The following IQGAP2 variants were observed in gnomAD, a reference collection of about 807,000 sequenced individuals.
IQGAP2 encodes IQ motif containing GTPase activating protein 2, also known as ras GTPase-activating-like protein IQGAP2.
IQGAP2 carries 173 observed loss-of-function variants against 201.3 expected under a neutral mutation model. The ratio of observed to expected loss-of-function variants is 0.86; its 90% CI spans 0.76 to 0.98. The LOEUF is 0.98. Among genes scored for constraint, IQGAP2 ranks in the 50% least tolerant of loss-of-function variants. The probability of loss-of-function intolerance (pLI) is 0.00; values close to 1 mark genes in which losing one functional copy is unlikely to be tolerated. For missense variants in IQGAP2, 1,687 were observed against 1,864.8 expected (o/e 0.90, Z 1.76); for synonymous variants, 675 against 673.9 (o/e 1.00, Z -0.03).
At chr5:76,706,058 C>G (rs1747863526) in intron 35 of IQGAP2, among the ~76,000 whole-genome samples, 1 of 152,166 alleles carries the variant, frequency 6.6e-6, no homozygotes, top group South Asian at 2.1e-4. Flanking sequence ...TAGCCTAGTT[C>G]AAGAAGTGCG....
At chr5:76,603,518 A>AG (rs1747577857) in intron 11 of IQGAP2, among the ~76,000 whole-genome samples, 2 of 152,212 alleles carry the variant, frequency 1.3e-5, no homozygotes, top group African/African-American at 4.8e-5. Flanking sequence ...TGTCCCAGGG[A>AG]GGGTGCTCCA....
chr5:76,542,825 C>T lies in IQGAP2; in HGVS notation c.147-19571C>T, dbSNP rs923491996. On this transcript the variant is annotated intron_variant, in intron 2 of 35. Coordinates refer to ENST00000274364, the MANE Select transcript of IQGAP2 (RefSeq NM_006633.5). ...CACATTCTAACATAGAGTGGCTCTT[C>T]TGTCATTGCCACCTAATTGTAGGCC... 2.6e-5 allele frequency among the ~76,000 whole-genome samples: 4 copies of T among 152,338 alleles called. No homozygotes were observed. The South Asian group carries it at 8.3e-4, about 32-fold the overall frequency.
At chr5:76,459,711 T>C (rs1754316080) in intron 1 of IQGAP2, among the ~76,000 whole-genome samples, 1 of 152,144 alleles carries the variant, frequency 6.6e-6, no homozygotes, top group South Asian at 2.1e-4. Context: ...CCATCTCAGC[T>C]CACTGCAACC....
At chr5:76,596,884 A>G (rs538820494) in intron 9 of IQGAP2, among the ~76,000 whole-genome samples, 9 of 152,316 alleles carry the variant, frequency 5.9e-5, no homozygotes, top group African/African-American at 2.2e-4. Context: ...GTTGTCTCAG[A>G]TGTTGCAGCA....
chr5:76,542,652 T>C (rs756919794), intron 2 of IQGAP2, among the ~76,000 whole-genome samples: 32 of 152,276 alleles, frequency 2.1e-4, no homozygotes, highest in Non-Finnish European at 4.1e-4. Flanking sequence ...TATCCTTGCA[T>C]CCCTTGAGCC....
chr5:76,693,363 A>G lies in IQGAP2; in HGVS notation c.3914A>G (p.Lys1305Arg), dbSNP rs1157019880. The stretch of plus-strand genomic sequence containing the variant: ...TTCTCTGGTTTGTTAAGGACCAAGA[A>G]GCTGATAATTGATGTGATCCGGAAC... ...DSRSLMIKTK[K>R]LIIDVIRNQP... The change falls in exon 31 of 36, where the codon AAG becomes AGG. Residue 1305 changes from lysine to arginine, a missense_variant. Transcript: ENST00000274364. 6.2e-7 allele frequency: 1 copy of G among 1,612,438 alleles called. No homozygotes were observed. The highest frequency in any genetic ancestry group is 8.5e-7 in the Non-Finnish European group (1 of 1,179,126).
intron 15 of IQGAP2, among the ~76,000 whole-genome samples, chr5:76,635,474 C>T (rs1181619990): frequency 6.6e-6 from 1 of 152,178 alleles, no homozygotes; most frequent in Non-Finnish European, 1.5e-5. Flanking sequence ...TTCCTTCCCA[C>T]TGAGACAGTT....
chr5:76,597,917 G>T (rs1357104599), intron 10 of IQGAP2, among the ~76,000 whole-genome samples: 1 of 152,156 alleles, frequency 6.6e-6, no homozygotes, highest in Non-Finnish European at 1.5e-5. Flanking sequence ...TACCGATGTG[G>T]TATTTTTTTT....
chr5:76,628,664 T>C (rs1472206420), intron 14 of IQGAP2: 1 of 455,540 alleles, frequency 2.2e-6, no homozygotes, highest in African/African-American at 2.0e-5. Context: ...GTTCTTAAGA[T>C]GACTTTGTCT....
At chr5:76,677,730 C>T (rs924028600) in intron 28 of IQGAP2, among the ~76,000 whole-genome samples, 6 of 152,250 alleles carry the variant, frequency 3.9e-5, no homozygotes, top group African/African-American at 1.2e-4. Context: ...AAGTTTGAGA[C>T]TAGCCCGGGC....
chr5:76,537,236 T>C (rs1759677552), intron 2 of IQGAP2, among the ~76,000 whole-genome samples: 1 of 152,208 alleles, frequency 6.6e-6, no homozygotes, highest in East Asian at 1.9e-4. Context: ...TTAAGATAAG[T>C]CTCCTGGTTT....
At chr5:76,447,630 A>G (rs920870623) in intron 1 of IQGAP2, among the ~76,000 whole-genome samples, 5 of 152,252 alleles carry the variant, frequency 3.3e-5, no homozygotes, top group South Asian at 2.1e-4. Context: ...ATGTTTGACC[A>G]AGTGTGAGCT....
At chr5:76,439,745 A>G (rs1752927091) in intron 1 of IQGAP2, among the ~76,000 whole-genome samples, 1 of 151,966 alleles carries the variant, frequency 6.6e-6, no homozygotes, top group Non-Finnish European at 1.5e-5. Context: ...GAGTCCCTGT[A>G]TGTTAGATAA....
Position 76,661,715 on chromosome 5 carries a change from C to G in IQGAP2, c.2529+3048C>G, listed in dbSNP as rs150858334. On this transcript the variant is annotated intron_variant, in intron 21 of 35. Transcript: ENST00000274364. ...TAAAATTGCTGTTATTACACTCACTCTACAGATGAGGAAACTGAAGCTTAG... is the reference window on the plus strand; with the variant it reads ...TAAAATTGCTGTTATTACACTCACTGTACAGATGAGGAAACTGAAGCTTAG... 1.8e-3 allele frequency among the ~76,000 whole-genome samples: 276 copies of G among 152,296 alleles called. 1 individual carries two copies. Among genetic ancestry groups the G allele is most frequent in the African/African-American group, 6.5e-3 (271 of 41,562 alleles).
chr5:76,618,659 G>A (rs1749273892), intron 13 of IQGAP2: 1 of 1,578,092 alleles, frequency 6.3e-7, no homozygotes. Flanking sequence ...TTGAAAGAAA[G>A]TATTAACATA....
At chr5:76,601,064 C>T in intron 11 of IQGAP2, 92 bp downstream of exon 11, 1 of 1,215,718 alleles carries the variant, frequency 8.2e-7, no homozygotes, top group Non-Finnish European at 1.2e-6. Flanking sequence ...TGGAGAAATC[C>T]ATATACCATG....
intron 2 of IQGAP2, among the ~76,000 whole-genome samples, chr5:76,548,670 T>A (rs549479186): frequency 6.6e-6 from 1 of 152,146 alleles, no homozygotes; most frequent in East Asian, 1.9e-4. Flanking sequence ...TAAAGGGGAG[T>A]GATATCAATC....
At chr5:76,696,872 A>G (rs1259369796) in intron 32 of IQGAP2, among the ~76,000 whole-genome samples, 3 of 150,456 alleles carry the variant, frequency 2.0e-5, no homozygotes, top group African/African-American at 4.9e-5. Flanking sequence ...GAAGAATTCT[A>G]TTTAATGAAG....
chr5:76,544,558 C>A lies in IQGAP2; in HGVS notation c.147-17838C>A, dbSNP rs187289946. Among the ~76,000 whole-genome samples the A allele has an allele frequency of 1.1e-3, 167 of 152,326 alleles. 1 individual carries two copies. Among genetic ancestry groups the A allele is most frequent in the African/African-American group, 3.4e-3 (142 of 41,566 alleles). On this transcript the variant is annotated intron_variant, in intron 2 of 35. Coordinates refer to ENST00000274364, the MANE Select transcript of IQGAP2 (RefSeq NM_006633.5). Reference sequence around the variant, plus strand: ...GGTGGAGATGGATCTAGCTAAGGCACACCAGGATGCAGCTTAGAGAGAACT... The same window carrying A: ...GGTGGAGATGGATCTAGCTAAGGCAAACCAGGATGCAGCTTAGAGAGAACT...
Sources: gnomAD v4.1 joint callset for allele counts (sites outside exome capture counted in the v4.1 genomes callset) on GRCh38, gnomAD v4.1.1 for gene constraint, MANE v1.5 for transcripts, NCBI Gene and HGNC (gene_info 2026-07-23, HGNC 2026-07-21) for gene names.